MYH15: variants seen among roughly 807,000 people sequenced by gnomAD.
The protein encoded by MYH15 is myosin-15.
A neutral mutation model predicts 240.5 loss-of-function variants in MYH15; 227 were observed. The observed-to-expected ratio is 0.94, with a 90% CI of 0.85 to 1.05. MYH15 has a LOEUF of 1.05. Ranked by LOEUF, MYH15 falls within the 50% of genes least tolerant of loss-of-function variation. The pLI is 0.00. For missense variants in MYH15, 2,217 were observed against 2,247.5 expected (o/e 0.99, Z 0.27); for synonymous variants, 785 against 796.7 (o/e 0.99, Z 0.25).
At chr3:108,398,367 C>T (rs1254695376) in intron 35 of MYH15, among the ~76,000 whole-genome samples, 1 of 152,204 alleles carries the variant, frequency 6.6e-6, no homozygotes, top group Non-Finnish European at 1.5e-5. Flanking sequence ...CATGGCCCAG[C>T]TGACACTTTG....
At chr3:108,510,602 T>A (rs568027324), upstream of MYH15, 27 of 1,411,018 alleles carry the variant, frequency 1.9e-5, no homozygotes, top group South Asian at 3.8e-5. Flanking sequence ...AAAAAAAAAA[T>A]TGATACAGAG....
chr3:108,382,638 G>A (rs888489614), intron 40 of MYH15, among the ~76,000 whole-genome samples: 5 of 152,102 alleles, frequency 3.3e-5, no homozygotes, highest in Non-Finnish European at 7.4e-5. Flanking sequence ...AGTCCAAGAG[G>A]GAAGACGTTT....
chr3:108,499,345 G>A (rs2083419177), intron 5 of MYH15, 110 bp downstream of exon 5: 2 of 1,100,154 alleles, frequency 1.8e-6, no homozygotes, highest in Non-Finnish European at 2.7e-6. Context: ...CATCTAAAGG[G>A]CAATTAATTC....
At chr3:108,537,642 G>C in the MYH15 span, among the ~76,000 whole-genome samples, 1 of 152,264 alleles carries the variant, frequency 6.6e-6, no homozygotes, top group East Asian at 1.9e-4. Context: ...TTGGCACTTT[G>C]ATCATGGACT....
At chr3:108,439,593 G>A in intron 24 of MYH15, 144 bp downstream of exon 24, 2 of 730,696 alleles carry the variant, frequency 2.7e-6, no homozygotes, top group Non-Finnish European at 4.2e-6. Context: ...ATAAGAAAAA[G>A]AACCCTTTTA....
chr3:108,455,605 A>C, intron 20 of MYH15, 131 bp downstream of exon 20: 1 of 1,055,218 alleles, frequency 9.5e-7, no homozygotes, highest in Non-Finnish European at 1.4e-6. Context: ...CCTTCAGCTA[A>C]GATCTGTTTG....
chr3:108,394,197 G>A (rs770086215), intron 35 of MYH15, 41 bp from the exon 36 acceptor site: 4 of 1,611,608 alleles, frequency 2.5e-6, no homozygotes, highest in African/African-American at 2.7e-5. Context: ...GTAAAAACCA[G>A]CAATGCAAAT....
At chr3:108,430,755 A>G in intron 26 of MYH15, 77 bp downstream of exon 26, 2 of 1,143,254 alleles carry the variant, frequency 1.7e-6, no homozygotes, top group Admixed American at 1.8e-5. Flanking sequence ...ACCTTGGCAG[A>G]GAATTAGTCA....
Position 108,463,326 on chromosome 3 carries a change from T to C in MYH15, c.1732-83A>G. 2.1e-6 allele frequency: 3 copies of C among 1,423,422 alleles called. No individual in the cohort carries two copies. In the Admixed American group the frequency reaches 6.8e-5, roughly 32 times the overall value. The allele number at this position is 1,423,422 out of a possible 1,614,324, so 88.2% of individuals were successfully genotyped here. ...TGGAAGGCTGTGCATTACCCCTTTT[T>C]TTTTTTGAGACAGGGTCTCATTCTG... On this transcript the variant is annotated intron_variant, in intron 15 of 40. Transcript: ENST00000693548.
Position 108,405,466 on chromosome 3 carries a change from A to G in MYH15, c.4621-13T>C, listed in dbSNP as rs769965624. 7.0e-7 allele frequency: 1 copy of G among 1,432,794 alleles called. No individual in the cohort carries two copies. The highest frequency in any genetic ancestry group is 2.3e-5 in the East Asian group (1 of 42,624). The allele number at this position is 1,432,794 out of a possible 1,614,324, so 88.8% of individuals were successfully genotyped here. On this transcript the variant is annotated splice_polypyrimidine_tract_variant and intron_variant, in intron 32 of 40. Coordinates refer to ENST00000693548, the MANE Select transcript of MYH15 (RefSeq NM_014981.3). ...GTTCCAGGGCTCCCTGGAATACATA[A>G]ATAAAAAGCATTAAATGAAGTCCAC...
chr3:108,468,849 G>A (rs1467056092), intron 14 of MYH15, among the ~76,000 whole-genome samples: 1 of 152,134 alleles, frequency 6.6e-6, no homozygotes, highest in Non-Finnish European at 1.5e-5. Context: ...ATATATTATA[G>A]GTGACAATCG....
rs2082899098 is a variant in MYH15 at position 108,443,265 on chromosome 3, C to T, written c.2655+1375G>A. Among the ~76,000 whole-genome samples, 4 of 152,164 alleles carry T rather than the reference C, an allele frequency of 2.6e-5. No individual in the cohort carries two copies. The South Asian group carries it at 8.3e-4, about 32-fold the overall frequency. On this transcript the variant is annotated intron_variant, in intron 22 of 40. Transcript: ENST00000693548. ...TGTAGAATCACTGCTATGTTAAATACGTATCAGAAATGGGGGTTTGGGTGT... is the reference window on the plus strand; with the variant it reads ...TGTAGAATCACTGCTATGTTAAATATGTATCAGAAATGGGGGTTTGGGTGT...
intron 15 of MYH15, among the ~76,000 whole-genome samples, chr3:108,464,103 T>C (rs2083093936): frequency 6.6e-6 from 1 of 152,202 alleles, no homozygotes; most frequent in African/African-American, 2.4e-5. Flanking sequence ...TTTTATCTTT[T>C]ATCAATTCTC....
In MYH15 at chr3:108,464,706, G is replaced by T; in HGVS notation, c.1663C>A (p.Leu555Ile). Residue 555 changes from leucine to isoleucine, a missense_variant, in exon 15 of 41, where the codon CTC becomes ATC. Physicochemically the swap from Leu to Ile is conservative, Grantham distance 5. Coordinates refer to ENST00000693548, the MANE Select transcript of MYH15 (RefSeq NM_014981.3). ...TTCTTATCAGGCTTGGGCTTCTGGA[G>T]ATGAACCGACTTTCCAAAATGGTTG... Reference protein sequence around the residue: ...FDNHFGKSVHLQKPKPDKKKF... With the variant: ...FDNHFGKSVHIQKPKPDKKKF... 1 of 1,613,964 alleles carries T rather than the reference G, an allele frequency of 6.2e-7. No homozygotes were observed. Among genetic ancestry groups the T allele is most frequent in the East Asian group, 2.2e-5 (1 of 44,862 alleles).
intron 6 of MYH15, among the ~76,000 whole-genome samples, chr3:108,496,150 T>C (rs978089337): frequency 6.6e-6 from 1 of 152,182 alleles, no homozygotes. Context: ...GAAAAGCAAA[T>C]GGTCACCAAA....
intron 1 of MYH15, among the ~76,000 whole-genome samples, chr3:108,507,276 T>TATACAC (rs1340070501): frequency 3.1e-5 from 3 of 97,984 alleles, no homozygotes; most frequent in Non-Finnish European, 4.2e-5. Context: ...TATATATATA[T>TATACAC]ACACATATGA....
chr3:108,461,456 A>C (rs990776697), intron 16 of MYH15, among the ~76,000 whole-genome samples: 1 of 152,142 alleles, frequency 6.6e-6, no homozygotes, highest in Non-Finnish European at 1.5e-5. Flanking sequence ...GGAGGCAAGT[A>C]TTTTCAGAGG....
rs1472833537 is a variant in MYH15 at position 108,456,205 on chromosome 3, T to C, written c.2139-346A>G. Among the ~76,000 whole-genome samples the C allele has an allele frequency of 3.3e-5, 5 of 152,302 alleles. No homozygotes were observed. In the East Asian group the frequency reaches 9.6e-4, roughly 29 times the overall value. Reference sequence around the variant, plus strand: ...AAAAGCAGAGACATTAAATGTCTTTTCCAGGATTCCTTTACCCTGTTGGTG... The same window carrying C: ...AAAAGCAGAGACATTAAATGTCTTTCCCAGGATTCCTTTACCCTGTTGGTG... On this transcript the variant is annotated intron_variant, in intron 19 of 40. Coordinates refer to ENST00000693548, the MANE Select transcript of MYH15 (RefSeq NM_014981.3).
At chr3:108,467,844 G>A (rs1453595593) in intron 14 of MYH15, among the ~76,000 whole-genome samples, 2 of 152,116 alleles carry the variant, frequency 1.3e-5, no homozygotes, top group East Asian at 3.8e-4. Flanking sequence ...AAATAAGTAT[G>A]AGCAAATCCT....
Sources: allele counts gnomAD v4.1 joint callset (sites outside exome capture counted in the v4.1 genomes callset), GRCh38; gene constraint gnomAD v4.1.1; transcripts MANE v1.5; gene names NCBI Gene and HGNC (gene_info 2026-07-23, HGNC 2026-07-21).